The following PRKD1 variants were observed in gnomAD, a reference collection of about 807,000 sequenced individuals.
PRKD1 encodes serine/threonine-protein kinase D1.
A neutral mutation model predicts 95.9 loss-of-function variants in PRKD1; 63 were observed. The ratio of observed to expected loss-of-function variants is 0.66; its 90% CI spans 0.54 to 0.81. The LOEUF (loss-of-function observed/expected upper bound fraction) is 0.81, where lower values mean the gene tolerates loss of function less well. PRKD1 is among the 30% of genes least tolerant of loss of function. The pLI, the probability that PRKD1 is intolerant of heterozygous loss-of-function variation, is 0.00. For missense variants in PRKD1, 1,048 were observed against 1,165.3 expected (o/e 0.90, Z 1.47); for synonymous variants, 425 against 423.1 (o/e 1.00, Z -0.05).
At chr14:29,613,929 C>T (rs929220479) in intron 13 of PRKD1, among the ~76,000 whole-genome samples, 2 of 152,156 alleles carry the variant, frequency 1.3e-5, no homozygotes, top group African/African-American at 4.8e-5. Flanking sequence ...ATTTGTATCC[C>T]TACTATGTGG....
intron 1 of PRKD1, among the ~76,000 whole-genome samples, chr14:29,857,601 C>T (rs1359284561): frequency 6.6e-6 from 1 of 152,146 alleles, no homozygotes; most frequent in African/African-American, 2.4e-5. Flanking sequence ...CAAATACCTT[C>T]GTTCAGGTTA....
rs1005322587 is a variant in PRKD1 at position 29,621,313 on chromosome 14, G to A, written c.1905+2839C>T. On this transcript the variant is annotated intron_variant, in intron 13 of 17. Transcript: ENST00000331968. ...CATATGTAACTAACCTGCACATTAT[G>A]CACGTGTACCCTAAAACTTAAAGTA... Among the ~76,000 whole-genome samples, 28 of 151,820 alleles carry A rather than the reference G, an allele frequency of 1.8e-4. No individual in the cohort carries two copies. In the East Asian group the frequency reaches 5.3e-3, roughly 28 times the overall value.
intron 1 of PRKD1, among the ~76,000 whole-genome samples, chr14:29,866,990 C>T (rs936023751): frequency 6.6e-6 from 1 of 152,086 alleles, no homozygotes; most frequent in Non-Finnish European, 1.5e-5. Flanking sequence ...CCTCTTACAC[C>T]CATAGTCTCA....
chr14:29,900,415 A>T (rs754515130), intron 1 of PRKD1, among the ~76,000 whole-genome samples: 1 of 152,182 alleles, frequency 6.6e-6, no homozygotes, highest in Non-Finnish European at 1.5e-5. Context: ...TTGACAACAG[A>T]GCAGTTTAAA....
chr14:29,626,410 C>T lies in PRKD1; in HGVS notation c.1798+74G>A, dbSNP rs536538531. The T allele has an allele frequency of 1.8e-5, 22 of 1,195,330 alleles. No individual in the cohort carries two copies. In the African/African-American group the frequency reaches 2.5e-4, roughly 13 times the overall value. 74.0% of individuals were successfully genotyped at this position (1,195,330 alleles called of 1,614,324 possible). A position where few individuals can be genotyped will look rare whatever the true frequency, so the allele number is the denominator to read the frequency against. On this transcript the variant is annotated intron_variant, in intron 12 of 17. Coordinates refer to ENST00000331968, the MANE Select transcript of PRKD1 (RefSeq NM_002742.3). ...ATAGGTCTTCTCTTCTATGTTTTTCCTGTAAATATCGCTTTTTAAAATATA... is the reference window on the plus strand; with the variant it reads ...ATAGGTCTTCTCTTCTATGTTTTTCTTGTAAATATCGCTTTTTAAAATATA...
chr14:29,857,369 A>G (rs989819330), intron 1 of PRKD1, among the ~76,000 whole-genome samples: 5 of 152,200 alleles, frequency 3.3e-5, no homozygotes, highest in Non-Finnish European at 7.3e-5. Context: ...ACAACAAAAA[A>G]GAAACACCAG....
intron 1 of PRKD1, among the ~76,000 whole-genome samples, chr14:29,905,891 A>G (rs1377040204): frequency 6.6e-6 from 1 of 152,190 alleles, no homozygotes; most frequent in African/African-American, 2.4e-5. Flanking sequence ...GGGGCTTATA[A>G]CTCTCGAGAA....
chr14:29,714,325 GAA>G (rs1885488791), intron 2 of PRKD1, among the ~76,000 whole-genome samples: 1 of 152,154 alleles, frequency 6.6e-6, no homozygotes, highest in African/African-American at 2.4e-5. Flanking sequence ...CTTCTCAAAA[GAA>G]GACATTTATG....
At chr14:29,766,680 G>T (rs985514779) in intron 1 of PRKD1, among the ~76,000 whole-genome samples, 3 of 152,058 alleles carry the variant, frequency 2.0e-5, no homozygotes, top group African/African-American at 4.8e-5. Flanking sequence ...GAAAAATGTG[G>T]CTACCAAATA....
At chr14:29,596,271 A>T (rs1893299743) in intron 16 of PRKD1, among the ~76,000 whole-genome samples, 1 of 152,218 alleles carries the variant, frequency 6.6e-6, no homozygotes, top group Non-Finnish European at 1.5e-5. Flanking sequence ...CACATAAGAG[A>T]TGTTTACAAA....
chr14:29,607,559 C>A (rs1328427930), intron 13 of PRKD1, among the ~76,000 whole-genome samples: 1 of 152,178 alleles, frequency 6.6e-6, no homozygotes, highest in African/African-American at 2.4e-5. Context: ...GTGAGCCAAG[C>A]GTCTCTCTCA....
chr14:29,577,188 T>A lies in PRKD1; in HGVS notation c.*50A>T. ...GCAAGGCAAATGTTAAACCTGACCG[T>A]ATGTATTTATTAGTTCCACAGTGTT... On this transcript the variant is annotated 3_prime_UTR_variant, in exon 18 of 18. Transcript: ENST00000331968. 6.5e-7 allele frequency: 1 copy of A among 1,542,588 alleles called. No individual in the cohort carries two copies. Among genetic ancestry groups the A allele is most frequent in the Non-Finnish European group, 8.9e-7 (1 of 1,117,488 alleles).
intron 1 of PRKD1, among the ~76,000 whole-genome samples, chr14:29,921,801 C>G (rs528548426): frequency 6.6e-6 from 1 of 152,130 alleles, no homozygotes; most frequent in African/African-American, 2.4e-5. Flanking sequence ...ACCCCCACCA[C>G]CACCACCACC....
chr14:29,707,446 T>G (rs1184711913), intron 2 of PRKD1, among the ~76,000 whole-genome samples: 1 of 152,230 alleles, frequency 6.6e-6, no homozygotes, highest in Non-Finnish European at 1.5e-5. Context: ...ATATGTATTG[T>G]GCTTATTGTC....
intron 2 of PRKD1, among the ~76,000 whole-genome samples, chr14:29,687,176 T>G (rs1250758639): frequency 6.6e-6 from 1 of 152,152 alleles, no homozygotes; most frequent in Non-Finnish European, 1.5e-5. Context: ...AGAACTTGCA[T>G]AGTATTTGAA....
chr14:29,694,466 G>C (rs1264904075), intron 2 of PRKD1, among the ~76,000 whole-genome samples: 1 of 152,154 alleles, frequency 6.6e-6, no homozygotes, highest in East Asian at 1.9e-4. Context: ...ACGATGAAAA[G>C]GTTGCATTCT....
intron 13 of PRKD1, among the ~76,000 whole-genome samples, chr14:29,603,128 A>G (rs1893581935): frequency 6.6e-6 from 1 of 152,224 alleles, no homozygotes; most frequent in South Asian, 2.1e-4. Flanking sequence ...AAGTCTTAGA[A>G]GTTTAAATTC....
chr14:29,593,495 T>C (rs939466156), intron 16 of PRKD1, among the ~76,000 whole-genome samples: 3 of 152,202 alleles, frequency 2.0e-5, no homozygotes, highest in Admixed American at 2.0e-4. Context: ...GATTGTTCCC[T>C]GGGTGTTAAG....
chr14:29,880,104 C>A (rs1893447288), intron 1 of PRKD1, among the ~76,000 whole-genome samples: 1 of 152,106 alleles, frequency 6.6e-6, no homozygotes, highest in African/African-American at 2.4e-5. Flanking sequence ...TAGCAAGGAG[C>A]CTAATGTTAA....
Sources: gnomAD v4.1 joint callset for allele counts (sites outside exome capture counted in the v4.1 genomes callset) on GRCh38, gnomAD v4.1.1 for gene constraint, MANE v1.5 for transcripts, NCBI Gene and HGNC (gene_info 2026-07-23, HGNC 2026-07-21) for gene names.